The following HIBADH variants were observed in gnomAD, a reference collection of about 807,000 sequenced individuals.
The protein encoded by HIBADH is 3-hydroxyisobutyrate dehydrogenase.
A neutral mutation model predicts 36.1 loss-of-function variants in HIBADH; 25 were observed. That is an observed-to-expected ratio of 0.69 (90% CI 0.50 to 0.97). The LOEUF is 0.97. HIBADH is among the 50% of genes least tolerant of loss of function. The pLI is 0.00. For synonymous variants in HIBADH, 160 were observed against 149.5 expected (o/e 1.07, Z -0.51); for missense variants, 421 against 418.0 (o/e 1.01, Z -0.06).
intron 4 of HIBADH, among the ~76,000 whole-genome samples, chr7:27,611,956 C>T (rs1373343491): frequency 6.6e-6 from 1 of 152,150 alleles, no homozygotes; most frequent in Non-Finnish European, 1.5e-5. Context: ...TCCAAAAGAG[C>T]ACTCTCAATA....
chr7:27,585,972 G>A (rs991732959), intron 4 of HIBADH, among the ~76,000 whole-genome samples: 5 of 152,266 alleles, frequency 3.3e-5, no homozygotes, highest in Admixed American at 2.0e-4. Flanking sequence ...TCTAATCTAA[G>A]AAGATAGGTG....
At chr7:27,551,099 ATATACAATTTTT>A (rs1784312228) in intron 4 of HIBADH, among the ~76,000 whole-genome samples, 1 of 152,156 alleles carries the variant, frequency 6.6e-6, no homozygotes. Flanking sequence ...TGTACACAAT[ATATACAATTTTT>A]TTTTGTCAAT....
At chr7:27,658,513 C>CTA (rs1786349769) in intron 1 of HIBADH, among the ~76,000 whole-genome samples, 1 of 152,078 alleles carries the variant, frequency 6.6e-6, no homozygotes, top group Admixed American at 6.5e-5. Context: ...ACCTTAAGTG[C>CTA]TATCAAAAAG....
At chr7:27,613,309 T>C (rs1277257592) in intron 4 of HIBADH, among the ~76,000 whole-genome samples, 2 of 147,116 alleles carry the variant, frequency 1.4e-5, no homozygotes, top group Non-Finnish European at 3.0e-5. Flanking sequence ...TTGTTTTATA[T>C]ATATATATAT....
At chr7:27,601,018 T>C (rs1030206034) in intron 4 of HIBADH, among the ~76,000 whole-genome samples, 3 of 152,188 alleles carry the variant, frequency 2.0e-5, no homozygotes, top group Non-Finnish European at 4.4e-5. Flanking sequence ...GGATACTTGA[T>C]CTTTGCAAAA....
rs114817215 is a variant in HIBADH, at chr7:27,551,713, A to G, written c.485-8613T>C. ...AAGAGATGGAAAACTAAAAAGTACA[A>G]TTCAAATTATATTTGTCTTTAATAC... On this transcript the variant is annotated intron_variant, in intron 4 of 7. Coordinates refer to ENST00000265395, the MANE Select transcript of HIBADH (RefSeq NM_152740.4). Among the ~76,000 whole-genome samples the G allele has an allele frequency of 4.4e-3, 664 of 152,346 alleles. 6 individuals are homozygous for G. Among genetic ancestry groups the G allele is most frequent in the African/African-American group, 0.016 (646 of 41,588 alleles).
intron 1 of HIBADH, among the ~76,000 whole-genome samples, chr7:27,655,244 AT>A (rs1786277250): frequency 6.6e-6 from 1 of 152,208 alleles, no homozygotes; most frequent in Admixed American, 6.5e-5. Flanking sequence ...AAATAATGAA[AT>A]TTTGAATGCA....
chr7:27,652,224 A>G (rs1316528726), intron 1 of HIBADH, among the ~76,000 whole-genome samples: 4 of 152,230 alleles, frequency 2.6e-5, no homozygotes, highest in South Asian at 4.1e-4. Context: ...TTCTAATTCT[A>G]GAGTCTCCAC....
chr7:27,607,224 C>T (rs115048047), intron 4 of HIBADH, among the ~76,000 whole-genome samples: 1 of 148,736 alleles, frequency 6.7e-6, no homozygotes, highest in Non-Finnish European at 1.5e-5. Context: ...TAAAAGTCTG[C>T]GGCTGGGCGC....
intron 6 of HIBADH, among the ~76,000 whole-genome samples, chr7:27,534,936 G>C (rs1784051540): frequency 6.6e-6 from 1 of 150,834 alleles, no homozygotes; most frequent in African/African-American, 2.4e-5. Context: ...TTTTATAAAT[G>C]AGAAAAGCTT....
chr7:27,561,269 C>T lies in HIBADH; in HGVS notation c.485-18169G>A, dbSNP rs556311092. Among the ~76,000 whole-genome samples the T allele has an allele frequency of 6.6e-5, 10 of 152,208 alleles. No homozygotes were observed. The South Asian group carries it at 1.4e-3, about 22-fold the overall frequency. On this transcript the variant is annotated intron_variant, in intron 4 of 7. Transcript: ENST00000265395. ...ATTTTCAAATTCCACTCAAAACTTG[C>T]ATTCTCAGTTTCTTAAAAGTCCTGC...
Position 27,632,351 on chromosome 7 carries a change from G to A in HIBADH, c.347C>T (p.Ala116Val), listed in dbSNP as rs779676009. Residue 116 changes from alanine to valine, a missense_variant, in exon 3 of 8, where the codon GCA (alanine) becomes GTA (valine). Ala to Val is a moderately conservative substitution (Grantham distance 64, BLOSUM62 0). Transcript: ENST00000265395. The part of the protein sequence containing the change: ...SINAIEAYSG[A>V]NGILKKVKKG... Reference sequence around the variant, plus strand: ...AAATACATACTTTAGAATCCCATTTGCTCCGGAATAAGCTTCTATTGCATT... The same window carrying A: ...AAATACATACTTTAGAATCCCATTTACTCCGGAATAAGCTTCTATTGCATT... 5.2e-5 allele frequency: 84 copies of A among 1,604,406 alleles called. No homozygotes were observed. Among genetic ancestry groups the A allele is most frequent in the Non-Finnish European group, 6.9e-5 (81 of 1,171,738 alleles).
chr7:27,614,971 A>G (rs1468808818), intron 4 of HIBADH, among the ~76,000 whole-genome samples: 1 of 152,224 alleles, frequency 6.6e-6, no homozygotes, highest in Non-Finnish European at 1.5e-5. Flanking sequence ...ATTCAAGAAT[A>G]GTGGCTTCTC....
At chr7:27,613,015 A>T (rs895517449) in intron 4 of HIBADH, among the ~76,000 whole-genome samples, 12 of 135,684 alleles carry the variant, frequency 8.8e-5, no homozygotes, top group African/African-American at 2.4e-4. Flanking sequence ...TATATCCAAA[A>T]ATATATATAT....
chr7:27,619,813 G>A (rs1484747348), intron 4 of HIBADH, among the ~76,000 whole-genome samples: 1 of 151,890 alleles, frequency 6.6e-6, no homozygotes, highest in African/African-American at 2.4e-5. Context: ...ATGACATTTG[G>A]GACAACATAC....
chr7:27,594,610 C>T (rs1156850578), intron 4 of HIBADH, among the ~76,000 whole-genome samples: 1 of 152,124 alleles, frequency 6.6e-6, no homozygotes, highest in African/African-American at 2.4e-5. Context: ...TTGGGAGGAA[C>T]ATGATAAAAT....
At chr7:27,590,849 A>T (rs1010030673) in intron 4 of HIBADH, among the ~76,000 whole-genome samples, 1 of 152,234 alleles carries the variant, frequency 6.6e-6, no homozygotes, top group African/African-American at 2.4e-5. Context: ...AGATACTACC[A>T]GGTACGGTTA....
chr7:27,541,503 G>A (rs1784150705), intron 5 of HIBADH, among the ~76,000 whole-genome samples: 1 of 152,174 alleles, frequency 6.6e-6, no homozygotes, highest in Admixed American at 6.5e-5. Context: ...AAAAGTGCAA[G>A]CCTGCTGGAG....
At chr7:27,568,510 T>A (rs1186564482) in intron 4 of HIBADH, among the ~76,000 whole-genome samples, 2 of 152,088 alleles carry the variant, frequency 1.3e-5, no homozygotes, top group Non-Finnish European at 2.9e-5. Flanking sequence ...CTGGTTGGAG[T>A]ACAGTGGTAT....
Sources: gnomAD v4.1 joint callset for allele counts (sites outside exome capture counted in the v4.1 genomes callset) on GRCh38, gnomAD v4.1.1 for gene constraint, MANE v1.5 for transcripts, NCBI Gene and HGNC (gene_info 2026-07-23, HGNC 2026-07-21) for gene names.